Variants in PCDHAC1 observed in about 807,000 individuals in gnomAD.
PCDHAC1 encodes the protein protocadherin alpha-C1.
PCDHAC1 carries 42 observed loss-of-function variants against 60.0 expected under a neutral mutation model. The observed-to-expected ratio is 0.70, with a 90% CI of 0.55 to 0.90. The LOEUF (loss-of-function observed/expected upper bound fraction) is 0.90, where lower values mean the gene tolerates loss of function less well. Among genes scored for constraint, PCDHAC1 ranks in the 40% least tolerant of loss-of-function variants. The pLI is 0.00. For synonymous variants in PCDHAC1, 468 were observed against 499.3 expected, an observed-to-expected ratio of 0.94 and a Z score of 0.84; for missense variants, 1,160 against 1,222.3, an observed-to-expected ratio of 0.95 and a Z score of 0.76.
At chr5:140,950,429 T>TGTA (rs1554219455) in intron 1 of PCDHAC1, among the ~76,000 whole-genome samples, 5 of 151,900 alleles carry the variant, frequency 3.3e-5, no homozygotes, top group African/African-American at 1.2e-4. Flanking sequence ...TTCTTCCACT[T>TGTA]AAAAAAAATG....
At chr5:140,998,247 T>C (rs2097802911) in intron 3 of PCDHAC1, among the ~76,000 whole-genome samples, 1 of 152,216 alleles carries the variant, frequency 6.6e-6, no homozygotes, top group Non-Finnish European at 1.5e-5. Flanking sequence ...ATTATACTCA[T>C]TTTACTGCTA....
rs541261946 is a variant in PCDHAC1 at position 140,926,749 on chromosome 5, G to C, written c.-144G>C. ...GGCGTTCGGGAGGCGCAACGTCGGC[G>C]GTCGCTGAGTATCCAGCCCGCAGCA... is the stretch of plus-strand genomic sequence containing the variant. On this transcript the variant is annotated 5_prime_UTR_variant, in exon 1 of 4. Transcript: ENST00000253807. 3.2e-6 allele frequency: 4 copies of C among 1,237,260 alleles called. No individual in the cohort carries two copies. Among genetic ancestry groups the C allele is most frequent in the Non-Finnish European group, 3.1e-6 (3 of 956,768 alleles). 76.6% of individuals were successfully genotyped at this position (1,237,260 alleles called of 1,614,324 possible). A position where few individuals can be genotyped will look rare whatever the true frequency, so the allele number is the denominator to read the frequency against.
chr5:140,964,079 G>A (rs1209152794), intron 1 of PCDHAC1, among the ~76,000 whole-genome samples: 3 of 152,178 alleles, frequency 2.0e-5, no homozygotes, highest in African/African-American at 7.2e-5. Flanking sequence ...GTTAATATTT[G>A]TAGAAAGGGT....
intron 1 of PCDHAC1, among the ~76,000 whole-genome samples, chr5:140,943,273 A>AG (rs1157586895): frequency 6.7e-6 from 1 of 150,362 alleles, no homozygotes; most frequent in Non-Finnish European, 1.5e-5. Flanking sequence ...AAAAAAAAAA[A>AG]AAAAGAAAGA....
chr5:140,978,868 G>C (rs2096826928), intron 1 of PCDHAC1, 81 bp from the exon 2 acceptor site: 2 of 1,606,078 alleles, frequency 1.2e-6, no homozygotes, highest in Non-Finnish European at 1.7e-6. Context: ...ATATTTAAGG[G>C]AGTAACTAAT....
At chr5:140,967,144 C>T (rs1042081336) in intron 1 of PCDHAC1, 9 of 1,611,144 alleles carry the variant, frequency 5.6e-6, no homozygotes, top group Non-Finnish European at 7.6e-6. Context: ...TGCTGGCGCA[C>T]AACCCCGTGG....
chr5:140,953,476 G>A (rs1554220931), intron 1 of PCDHAC1, among the ~76,000 whole-genome samples: 2 of 152,088 alleles, frequency 1.3e-5, no homozygotes. Flanking sequence ...ACTTCCTCAT[G>A]CTGTGTCACA....
At chr5:140,985,217 G>A (rs1196051994) in intron 3 of PCDHAC1, among the ~76,000 whole-genome samples, 3 of 152,206 alleles carry the variant, frequency 2.0e-5, no homozygotes, top group Admixed American at 1.3e-4. Context: ...GATTACAGGC[G>A]TGAGCCACCG....
chr5:141,002,841 G>T (rs2098098318), intron 3 of PCDHAC1, among the ~76,000 whole-genome samples: 1 of 152,196 alleles, frequency 6.6e-6, no homozygotes, highest in African/African-American at 2.4e-5. Flanking sequence ...CCAGGACTAT[G>T]CACTAGTGAG....
intron 1 of PCDHAC1, among the ~76,000 whole-genome samples, chr5:140,935,745 T>C (rs564797649): frequency 6.6e-6 from 1 of 152,324 alleles, no homozygotes; most frequent in South Asian, 2.1e-4. Flanking sequence ...TATTATTCCA[T>C]ACAATACACA....
chr5:140,977,712 T>C (rs2153814265), intron 1 of PCDHAC1, among the ~76,000 whole-genome samples: 1 of 152,306 alleles, frequency 6.6e-6, no homozygotes, highest in South Asian at 2.1e-4. Context: ...AATATTGAGA[T>C]GGTGATCATT....
intron 1 of PCDHAC1, among the ~76,000 whole-genome samples, chr5:140,944,370 A>G (rs1554216325): frequency 6.6e-6 from 1 of 151,966 alleles, no homozygotes; most frequent in Admixed American, 6.6e-5. Flanking sequence ...AATTTTTTAT[A>G]GAGATGGAGT....
intron 3 of PCDHAC1, among the ~76,000 whole-genome samples, chr5:140,988,661 A>G (rs1411850477): frequency 6.6e-6 from 1 of 152,186 alleles, no homozygotes; most frequent in Non-Finnish European, 1.5e-5. Context: ...TTGTTTATGA[A>G]TAGACTCTAA....
At chr5:140,972,871 C>G (rs1436283252) in intron 1 of PCDHAC1, among the ~76,000 whole-genome samples, 1 of 152,030 alleles carries the variant, frequency 6.6e-6, no homozygotes, top group Non-Finnish European at 1.5e-5. Flanking sequence ...ATCATGTTGT[C>G]CAGGATGGTC....
At chr5:140,998,522 A>G (rs2097818629) in intron 3 of PCDHAC1, among the ~76,000 whole-genome samples, 1 of 151,980 alleles carries the variant, frequency 6.6e-6, no homozygotes, top group South Asian at 2.1e-4. Context: ...TATTATTCAT[A>G]TTTATATCCC....
chr5:141,003,322 G>A (rs1588017257), intron 3 of PCDHAC1, among the ~76,000 whole-genome samples: 1 of 152,242 alleles, frequency 6.6e-6, no homozygotes, highest in East Asian at 1.9e-4. Flanking sequence ...ACTTCCAGAG[G>A]GCAGGGTTTT....
Position 140,928,810 on chromosome 5 carries a change from G to T in PCDHAC1, c.1918G>T (p.Asp640Tyr), listed in dbSNP as rs143843461. 1 of 1,614,106 alleles carries T rather than the reference G, an allele frequency of 6.2e-7. No homozygotes were observed. ...VKQRVVVVVR[D>Y]HGDPPLSSSV... ...GCAGAGGGTGGTGGTAGTGGTTCGG[G>T]ACCATGGAGACCCACCACTTTCCTC... Residue 640 changes from aspartate to tyrosine, a missense_variant, in exon 1 of 4, where the codon GAC (aspartate) becomes TAC (tyrosine). By Grantham distance (160) the Asp-to-Tyr change is radical (BLOSUM62 -3). Transcript: ENST00000253807.
intron 1 of PCDHAC1, among the ~76,000 whole-genome samples, chr5:140,948,380 C>T (rs1554218531): frequency 2.6e-5 from 4 of 151,612 alleles, no homozygotes; most frequent in African/African-American, 4.8e-5. Flanking sequence ...GTTCCTTCCT[C>T]TATTTTCTGA....
chr5:140,939,787 C>G (rs1486449192), intron 1 of PCDHAC1, among the ~76,000 whole-genome samples: 2 of 152,180 alleles, frequency 1.3e-5, no homozygotes, highest in African/African-American at 2.4e-5. Flanking sequence ...TGGTCAATTT[C>G]TATAAATGTT....
Sources: allele counts gnomAD v4.1 joint callset (sites outside exome capture counted in the v4.1 genomes callset), GRCh38; gene constraint gnomAD v4.1.1; transcripts MANE v1.5; gene names NCBI Gene and HGNC (gene_info 2026-07-23, HGNC 2026-07-21).